The following NFS1 variants were observed in gnomAD, a reference collection of about 807,000 sequenced individuals.
NFS1 encodes the protein cysteine desulfurase.
A neutral mutation model predicts 57.3 loss-of-function variants in NFS1; 26 were observed. That is an observed-to-expected ratio of 0.45 (90% confidence interval 0.33 to 0.63). The LOEUF (loss-of-function observed/expected upper bound fraction) is 0.63. NFS1 is among the 20% of genes least tolerant of loss of function. NFS1 has a pLI of 0.02. For missense variants in NFS1, 505 were observed against 605.8 expected (o/e 0.83, Z 1.75); for synonymous variants, 209 against 216.3 (o/e 0.97, Z 0.30).
chr20:35,698,798 G>T, intron 1 of NFS1: 2 of 1,386,036 alleles, frequency 1.4e-6, no homozygotes, highest in Non-Finnish European at 1.9e-6. Context: ...CCTGGAGGGG[G>T]TGTTGAGTTG....
intron 4 of NFS1, among the ~76,000 whole-genome samples, chr20:35,693,746 A>G (rs549560486): frequency 6.6e-6 from 1 of 152,202 alleles, no homozygotes; most frequent in South Asian, 2.1e-4. Context: ...GGCGGATCAC[A>G]AGGTCAGGAG....
intron 6 of NFS1, among the ~76,000 whole-genome samples, 177 bp from the exon 7 acceptor site, chr20:35,681,048 C>A (rs1448118214): frequency 6.6e-6 from 1 of 151,712 alleles, no homozygotes; most frequent in Non-Finnish European, 1.5e-5. Flanking sequence ...CTTCCCCCTT[C>A]CTCCCTCTCT....
At chr20:35,677,525 C>T (rs984036550) in intron 7 of NFS1, among the ~76,000 whole-genome samples, 4 of 152,010 alleles carry the variant, frequency 2.6e-5, no homozygotes, top group African/African-American at 9.7e-5. Context: ...GGGCAACAGA[C>T]TGAGACCTTG....
chr20:35,679,728 C>G (rs1052231757), intron 7 of NFS1, among the ~76,000 whole-genome samples: 1 of 152,096 alleles, frequency 6.6e-6, no homozygotes, highest in African/African-American at 2.4e-5. Flanking sequence ...GCTATTACAC[C>G]TACTTCCACA....
rs112521373 is a variant in NFS1 at position 35,673,058 on chromosome 20, T to C, written c.1221-214A>G. 0.068 allele frequency among the ~76,000 whole-genome samples: 10,326 copies of C among 152,086 alleles called. 433 individuals carry two copies. The highest frequency in any genetic ancestry group is 0.18 in the South Asian group (879 of 4,816). On this transcript the variant is annotated intron_variant, in intron 11 of 12. Transcript: ENST00000374092. ...ATTCCAACAGTTTGGGAGGCCAAGG[T>C]GGACAGATCACATGAGGTTGGGAGT...
rs2034605032 is a variant in NFS1, at chr20:35,668,714, TTTAA to T, written c.*904_*907del. On this transcript the variant is annotated 3_prime_UTR_variant, in exon 13 of 13. Transcript: ENST00000374092. ...CACAATCTATAACATTGTTTATTTG[TTTAA>T]TTATTTTCCATCTCTCCACTAAAAT... The T allele has an allele frequency of 6.6e-6, 1 of 152,074 alleles. No individual in the cohort carries two copies. 9.4% of individuals were successfully genotyped at this position (152,074 alleles called of 1,614,324 possible).
chr20:35,672,036 G>A (rs1309732623), intron 12 of NFS1, among the ~76,000 whole-genome samples: 7 of 151,912 alleles, frequency 4.6e-5, no homozygotes, highest in African/African-American at 1.2e-4. Context: ...TCGGCTCACT[G>A]CAAGCTCCAC....
At chr20:35,672,900 T>A in intron 11 of NFS1, 56 bp from the exon 12 acceptor site, 1 of 1,020,354 alleles carries the variant, frequency 9.8e-7, no homozygotes, top group Non-Finnish European at 1.5e-6. Context: ...CTGGGATAAA[T>A]TCATTCCGCA....
At chr20:35,669,803 T>C in intron 12 of NFS1, 118 bp from the exon 13 acceptor site, 1 of 906,708 alleles carries the variant, frequency 1.1e-6, no homozygotes, top group South Asian at 1.4e-5. Context: ...CTCTGCCTCT[T>C]GCCCTGGTAG....
intron 4 of NFS1, among the ~76,000 whole-genome samples, chr20:35,694,062 C>T (rs2035088103): frequency 1.3e-5 from 2 of 152,040 alleles, no homozygotes; most frequent in Non-Finnish European, 2.9e-5. Flanking sequence ...GAGAGGATTG[C>T]TTGAGTCCAG....
chr20:35,671,890 CAA>C (rs78543354), intron 12 of NFS1, among the ~76,000 whole-genome samples: 17 of 102,590 alleles, frequency 1.7e-4, no homozygotes, highest in East Asian at 2.9e-4. Flanking sequence ...AACTTGTCTC[CAA>C]AAAAAAAAAA....
At chr20:35,691,725 C>G (rs1397623532) in intron 4 of NFS1, among the ~76,000 whole-genome samples, 2 of 107,746 alleles carry the variant, frequency 1.9e-5, no homozygotes, top group African/African-American at 3.9e-5. Context: ...GGCAACAGAG[C>G]GAGACTGCAT....
At chr20:35,671,166 C>A (rs2034647483) in intron 12 of NFS1, among the ~76,000 whole-genome samples, 1 of 152,160 alleles carries the variant, frequency 6.6e-6, no homozygotes, top group Non-Finnish European at 1.5e-5. Context: ...AGCAGTGGTG[C>A]GATCTCAGCT....
chr20:35,669,569 G>A lies in NFS1; in HGVS notation c.*53C>T, dbSNP rs772217834. On this transcript the variant is annotated 3_prime_UTR_variant, in exon 13 of 13. Transcript: ENST00000374092. ...TGTAACAAGGTGTCTGGTTGTGCAC[G>A]GGTTGGTGAGGCAGGAGGGGCCAGA... 2.0e-6 allele frequency: 3 copies of A among 1,535,448 alleles called. No homozygotes were observed. The highest frequency in any genetic ancestry group is 1.1e-5 in the South Asian group (1 of 89,328).
At chr20:35,672,711 G>A in intron 12 of NFS1, 44 bp downstream of exon 12, 1 of 1,337,946 alleles carries the variant, frequency 7.5e-7, no homozygotes, top group Non-Finnish European at 1.1e-6. Flanking sequence ...AGGGGAGACA[G>A]TGCTAGAGTT....
chr20:35,682,595 C>G (rs1385287345), intron 5 of NFS1: 1 of 150,484 alleles, frequency 6.6e-6, no homozygotes, highest in African/African-American at 2.5e-5. Flanking sequence ...TCGAGACCAG[C>G]CTGGCGAACA....
At chr20:35,674,924 G>C (rs2034714971) in intron 8 of NFS1, 121 bp downstream of exon 8, 2 of 1,366,568 alleles carry the variant, frequency 1.5e-6, no homozygotes, top group African/African-American at 1.4e-5. Flanking sequence ...ACCAGGACAA[G>C]GAAGAGTTTT....
Position 35,680,804 on chromosome 20 carries a change from T to C in NFS1, c.723A>G (p.Pro241=). 1.3e-6 allele frequency: 2 copies of C among 1,582,688 alleles called. No homozygotes were observed. The highest frequency in any genetic ancestry group is 1.7e-6 in the Non-Finnish European group (2 of 1,165,832). ...TDAAQAVGKI[P]LDVNDMKIDL... ...CAATTTTCATGTCATTGACATCAAG[T>C]GGGATTTTTCCAACAGCCTGGGCTG... The change falls in exon 7 of 13, where the codon CCA becomes CCG. Residue 241 remains proline (P), a synonymous_variant. Transcript: ENST00000374092.
chr20:35,692,301 G>A (rs2035055939), intron 4 of NFS1: 1 of 241,542 alleles, frequency 4.1e-6, no homozygotes, highest in African/African-American at 2.4e-5. Flanking sequence ...TTGAACCTGG[G>A]AGGCAGAGGT....
Sources: gnomAD v4.1 joint callset for allele counts (sites outside exome capture counted in the v4.1 genomes callset) on GRCh38, gnomAD v4.1.1 for gene constraint, MANE v1.5 for transcripts, NCBI Gene and HGNC (gene_info 2026-07-23, HGNC 2026-07-21) for gene names.